The following MIER2 variants were observed in gnomAD, a reference collection of about 807,000 sequenced individuals.
MIER2 encodes the protein mesoderm induction early response protein 2.
A neutral mutation model predicts 67.6 loss-of-function variants in MIER2; 30 were observed. The ratio of observed to expected loss-of-function variants is 0.44; its 90% CI spans 0.33 to 0.60. The LOEUF (loss-of-function observed/expected upper bound fraction) is 0.60. MIER2 is among the 20% of genes least tolerant of loss of function. The pLI is 0.02. For missense variants in MIER2, 702 were observed against 745.1 expected (o/e 0.94, Z 0.67); for synonymous variants, 372 against 312.6 (o/e 1.19, Z -2.00).
At chr19:336,254 G>C (rs1369928496) in intron 1 of MIER2, 81 bp from the exon 2 acceptor site, 4 of 1,182,616 alleles carry the variant, frequency 3.4e-6, no homozygotes, top group Non-Finnish European at 4.9e-6. Context: ...CCAAGAGCAA[G>C]CGCTGGTCAG....
At chr19:322,132 C>T (rs866894881) in intron 7 of MIER2, among the ~76,000 whole-genome samples, 4 of 151,968 alleles carry the variant, frequency 2.6e-5, no homozygotes, top group African/African-American at 4.8e-5. Flanking sequence ...CTCAATCTCC[C>T]GACCTCAAGT....
rs567268102 is a variant in MIER2, at chr19:310,524, C to A, written c.984+1321G>T. 1.3e-4 allele frequency among the ~76,000 whole-genome samples: 8 copies of A among 62,496 alleles called. No homozygotes were observed. The South Asian group carries it at 3.5e-3, about 28-fold the overall frequency. 41.0% of individuals were successfully genotyped at this position (62,496 alleles called of 152,430 possible). ...GGAGTTACAAAAACGCGGCCCTGAG[C>A]TATAGAAACACGGCCCGGAGCTGCA... On this transcript the variant is annotated intron_variant, in intron 10 of 13. Coordinates refer to ENST00000264819, the MANE Select transcript of MIER2 (RefSeq NM_017550.3).
rs1305586845 is a variant in MIER2, at chr19:318,096, TG to T, written c.656-4454del. ...GCGGACGCCTGTAATTGCAGCTACT[TG>T]GGAGGCAGAGGGGGAAGAATTGCTT... On this transcript the variant is annotated intron_variant, in intron 7 of 13. Transcript: ENST00000264819. Among the ~76,000 whole-genome samples, 7 of 152,180 alleles carry T rather than the reference TG, an allele frequency of 4.6e-5. No homozygotes were observed. In the East Asian group the frequency reaches 1.4e-3, roughly 29 times the overall value.
At chr19:310,561 C>T (rs981676172) in intron 10 of MIER2, among the ~76,000 whole-genome samples, 62 of 147,556 alleles carry the variant, frequency 4.2e-4, no homozygotes, top group African/African-American at 1.5e-3. Flanking sequence ...AAACACGGCC[C>T]GGAGCTATAG....
chr19:324,862 C>T (rs908408638), intron 7 of MIER2, among the ~76,000 whole-genome samples: 9 of 152,222 alleles, frequency 5.9e-5, no homozygotes, highest in Non-Finnish European at 1.2e-4. Context: ...GTGTCCCCTC[C>T]GACCCTGCCT....
chr19:344,276 G>T, intron 1 of MIER2: 1 of 985,336 alleles, frequency 1.0e-6, no homozygotes, highest in Non-Finnish European at 1.2e-6. Context: ...CCCGCCGGGG[G>T]GCTCGCGGGC....
At chr19:320,368 A>G (rs1044412040) in intron 7 of MIER2, among the ~76,000 whole-genome samples, 2 of 152,168 alleles carry the variant, frequency 1.3e-5, no homozygotes, top group African/African-American at 2.4e-5. Context: ...CGACAGAGCA[A>G]GACTTTGTCC....
At chr19:310,599 A>G (rs796110265) in intron 10 of MIER2, among the ~76,000 whole-genome samples, 9,660 of 51,918 alleles carry the variant, frequency 0.19, 199 homozygotes, top group African/African-American at 0.37. Context: ...GCAGAAACAC[A>G]GCCGGGAGCT....
intron 10 of MIER2, among the ~76,000 whole-genome samples, chr19:310,715 G>GAAACA (rs1160851510): frequency 6.7e-6 from 1 of 148,326 alleles, no homozygotes; most frequent in Non-Finnish European, 1.5e-5. Flanking sequence ...CGGAGCTATA[G>GAAACA]GAACATGGCC....
chr19:307,530 A>G lies in MIER2; in HGVS notation c.1205T>C (p.Leu402Pro), dbSNP rs759379762. The G allele has an allele frequency of 8.0e-6, 12 of 1,504,136 alleles. No homozygotes were observed. Among genetic ancestry groups the G allele is most frequent in the Non-Finnish European group, 9.7e-6 (11 of 1,133,220 alleles). 93.2% of individuals were successfully genotyped at this position (1,504,136 alleles called of 1,614,324 possible). The stretch of plus-strand genomic sequence containing the variant: ...ACCACCGGCCGTGCCATCCACGCTC[A>G]GTGGATCTGTGAAAGAGAACGCAAC... ...DTLTGMRTDP[L>P]SVDGTAGGLD... The change falls in exon 13 of 14, where the codon CTG becomes CCG. Residue 402 changes from leucine (L) to proline (P), a missense_variant. This residue lies in a region of MIER2 where 254 missense variants were observed against 262.8 expected (regional missense o/e 0.97). Coordinates refer to ENST00000264819, the MANE Select transcript of MIER2 (RefSeq NM_017550.3).
At chr19:342,240 C>T (rs1216755985) in intron 1 of MIER2, among the ~76,000 whole-genome samples, 2 of 152,184 alleles carry the variant, frequency 1.3e-5, no homozygotes, top group East Asian at 3.8e-4. Context: ...TGGTGGTTAA[C>T]CTGAGAAACA....
At position 307,295 on chromosome 19, in the gene MIER2, C is replaced by A. The variant is rs765591824; in HGVS notation, c.1440G>T (p.Leu480=). Residue 480 remains leucine (L), a synonymous_variant, in exon 13 of 14, where the codon CTG becomes CTT. Coordinates refer to ENST00000264819, the MANE Select transcript of MIER2 (RefSeq NM_017550.3). ...GGTCCACATGGCTGGAGATGAGGGGCAGCTCCTTGGGCAGGGCGAAGTCCA... is the reference window on the plus strand; with the variant it reads ...GGTCCACATGGCTGGAGATGAGGGGAAGCTCCTTGGGCAGGGCGAAGTCCA... ...LAVDFALPKE[L]PLISSHVDLS... is the part of the protein sequence containing the mutation. The A allele has an allele frequency of 6.3e-7, 1 of 1,599,280 alleles. No homozygotes were observed. Among genetic ancestry groups the A allele is most frequent in the South Asian group, 1.1e-5 (1 of 88,512 alleles).
At chr19:322,819 C>A (rs148791830) in intron 7 of MIER2, among the ~76,000 whole-genome samples, 2 of 152,180 alleles carry the variant, frequency 1.3e-5, no homozygotes, top group African/African-American at 4.8e-5. Context: ...ACGACGCACA[C>A]GAGGGCATTC....
At chr19:322,036 C>G (rs35462395) in intron 7 of MIER2, among the ~76,000 whole-genome samples, 3,499 of 152,220 alleles carry the variant, frequency 0.023, 126 homozygotes, top group Admixed American at 0.11. Flanking sequence ...TCCCAAGTAG[C>G]TGGGACTACA....
chr19:336,121 C>T lies in MIER2; in HGVS notation c.62G>A (p.Ser21Asn), dbSNP rs1346457441. The T allele has an allele frequency of 4.3e-6, 7 of 1,613,958 alleles. No individual in the cohort carries two copies. Among genetic ancestry groups the T allele is most frequent in the Non-Finnish European group, 5.9e-6 (7 of 1,179,902 alleles). ...CAAGCCCGGCTCCCCTGGGCACAGGCTGTGCTCGAGGCAGGAGACCACGCG... is the reference window on the plus strand; with the variant it reads ...CAAGCCCGGCTCCCCTGGGCACAGGTTGTGCTCGAGGCAGGAGACCACGCG... ...SPRVVSCLEH[S>N]LCPGEPGLQT... Residue 21 changes from serine to asparagine, a missense_variant, in exon 2 of 14, where the codon AGC becomes AAC. This residue lies in a region of MIER2 where 320 missense variants were observed against 292.6 expected (regional missense o/e 1.09). Transcript: ENST00000264819.
In MIER2 at chr19:308,631, C is replaced by T. The variant is rs202163232; in HGVS notation, c.1144G>A (p.Asp382Asn). The T allele has an allele frequency of 3.7e-4, 597 of 1,606,162 alleles. No homozygotes were observed. The highest frequency in any genetic ancestry group is 4.7e-4 in the Non-Finnish European group (557 of 1,177,488). ...TCCGGGCGCGGACGGCCGGGGCCAT[C>T]GGGGTCGCTGCCATCCAGGTCCTGG... is the stretch of plus-strand genomic sequence containing the variant. ...ADQDLDGSDP[D>N]GPGRPRPEQD... Residue 382 changes from aspartate (D) to asparagine (N), a missense_variant, in exon 12 of 14, where the codon GAT becomes AAT. Physicochemically the swap from Asp to Asn is conservative, Grantham distance 23. Around this residue, in one of 3 missense-constraint regions of MIER2, gnomAD observed 254 missense variants for 262.8 expected, o/e 0.97. Coordinates refer to ENST00000264819, the MANE Select transcript of MIER2 (RefSeq NM_017550.3). The surrounding 1 kb of genome is among the most constrained non-coding windows in gnomAD (Gnocchi z 9.1).
intron 1 of MIER2, chr19:344,354 C>G: frequency 1.0e-6 from 1 of 984,982 alleles, no homozygotes; most frequent in Non-Finnish European, 1.2e-6. Flanking sequence ...CCCCAGCACT[C>G]GGCAAAGTTG....
At chr19:325,494 C>A in intron 7 of MIER2, 141 bp downstream of exon 7, 1 of 934,102 alleles carries the variant, frequency 1.1e-6, no homozygotes, top group Non-Finnish European at 1.7e-6. Flanking sequence ...GAGCCTCCCA[C>A]CTCCTCCAGC....
At chr19:330,808 C>A (rs1029719337) in intron 3 of MIER2, among the ~76,000 whole-genome samples, 1 of 152,140 alleles carries the variant, frequency 6.6e-6, no homozygotes, top group Admixed American at 6.6e-5. Context: ...GGCACCAGAA[C>A]CCACTCTGCT....
Sources: allele counts gnomAD v4.1 joint callset (sites outside exome capture counted in the v4.1 genomes callset), GRCh38; gene constraint gnomAD v4.1.1; regional missense constraint gnomAD v4.1.1; non-coding constraint Gnocchi (gnomAD v3.1); transcripts MANE v1.5; gene names NCBI Gene and HGNC (gene_info 2026-07-23, HGNC 2026-07-21).